Variants in PLGRKT observed in about 807,000 individuals in gnomAD.
The protein encoded by PLGRKT is plasminogen receptor with a C-terminal lysine.
PLGRKT carries 22 observed loss-of-function variants against 18.5 expected under a neutral mutation model. The observed-to-expected ratio is 1.19, with a 90% CI of 0.85 to 1.70. PLGRKT has a LOEUF of 1.70. Ranked by LOEUF, PLGRKT falls within the 40% of genes most tolerant of loss-of-function variation. PLGRKT has a pLI of 0.00. For synonymous variants in PLGRKT, 72 were observed against 52.8 expected (o/e 1.36, Z -1.58); for missense variants, 235 against 174.4 (o/e 1.35, Z -1.96).
At chr9:5,413,979 G>C (rs940684195) in intron 3 of PLGRKT, among the ~76,000 whole-genome samples, 5 of 152,232 alleles carry the variant, frequency 3.3e-5, no homozygotes, top group East Asian at 3.9e-4. Flanking sequence ...CATGAGAGAA[G>C]GGGGCATAAG....
At chr9:5,425,135 A>G (rs1044731803) in intron 3 of PLGRKT, among the ~76,000 whole-genome samples, 2 of 152,220 alleles carry the variant, frequency 1.3e-5, no homozygotes, top group African/African-American at 4.8e-5. Flanking sequence ...ATAGCACTGC[A>G]GCACAGCATG....
chr9:5,412,638 A>G (rs1273017737), intron 3 of PLGRKT, among the ~76,000 whole-genome samples: 1 of 152,228 alleles, frequency 6.6e-6, no homozygotes, highest in Admixed American at 6.5e-5. Flanking sequence ...CCCAGTCTGT[A>G]TATTGGATTA....
intron 3 of PLGRKT, among the ~76,000 whole-genome samples, chr9:5,384,033 G>A (rs1300955290): frequency 9.8e-5 from 15 of 152,340 alleles, no homozygotes; most frequent in South Asian, 6.2e-4. Flanking sequence ...CTGTCACAGC[G>A]CCTGACCATT....
chr9:5,437,946 A>G (rs1046867044), upstream of PLGRKT: 1 of 152,220 alleles, frequency 6.6e-6, no homozygotes, highest in African/African-American at 2.4e-5. Context: ...CGCAGCCCTC[A>G]GCTTCTTTAA....
At chr9:5,415,082 C>T (rs140743951) in intron 3 of PLGRKT, among the ~76,000 whole-genome samples, 1 of 152,264 alleles carries the variant, frequency 6.6e-6, no homozygotes, top group East Asian at 1.9e-4. Context: ...GACCAGGACT[C>T]CATGAAGAAG....
chr9:5,395,972 C>A (rs1273083486), intron 3 of PLGRKT, among the ~76,000 whole-genome samples: 2 of 149,866 alleles, frequency 1.3e-5, no homozygotes, highest in Non-Finnish European at 2.9e-5. Context: ...TGGTTCACTG[C>A]AACCTCCACC....
chr9:5,396,160 C>T (rs1186804718), intron 3 of PLGRKT, among the ~76,000 whole-genome samples: 1 of 151,754 alleles, frequency 6.6e-6, no homozygotes, highest in Non-Finnish European at 1.5e-5. Context: ...TCACAAAGTG[C>T]TGGGATTACA....
chr9:5,414,250 T>G (rs1818417503), intron 3 of PLGRKT, among the ~76,000 whole-genome samples: 1 of 152,180 alleles, frequency 6.6e-6, no homozygotes, highest in Non-Finnish European at 1.5e-5. Flanking sequence ...CACTGCAACT[T>G]CCGCTTCCCA....
chr9:5,392,911 G>C lies in PLGRKT; in HGVS notation c.82-31023C>G, dbSNP rs193229153. ...GGCTGGAGTGCAGTGGTGCAGTCTCGGCTCACTGCAACCTCCACCTCCCAG... is the reference window on the plus strand; with the variant it reads ...GGCTGGAGTGCAGTGGTGCAGTCTCCGCTCACTGCAACCTCCACCTCCCAG... On this transcript the variant is annotated intron_variant, in intron 3 of 5. Transcript: ENST00000223864. 1.7e-3 allele frequency among the ~76,000 whole-genome samples: 261 copies of C among 151,398 alleles called. 6 individuals carry two copies. Among genetic ancestry groups the C allele is most frequent in the Middle Eastern group, 0.01 (3 of 294 alleles).
At position 5,382,011 on chromosome 9, in the gene PLGRKT, TA is replaced by T. The variant is rs1261898202; in HGVS notation, c.82-20124del. 441 of 985,368 alleles carry T rather than the reference TA, an allele frequency of 4.5e-4. 2 individuals are homozygous for T. The highest frequency in any genetic ancestry group is 1.4e-3 in the Admixed American group (22 of 16,286). 61.0% of individuals were successfully genotyped at this position (985,368 alleles called of 1,614,324 possible). A position where few individuals can be genotyped will look rare whatever the true frequency, so the allele number is the denominator to read the frequency against. On this transcript the variant is annotated intron_variant, in intron 3 of 5. Transcript: ENST00000223864. ...GGCTTGTTTACCCAGTCACAAGACT[TA>T]GCAGTTGAAAATGTGCACCCTGAAA...
chr9:5,408,171 T>C (rs1003911627), intron 3 of PLGRKT, among the ~76,000 whole-genome samples: 8 of 152,218 alleles, frequency 5.3e-5, no homozygotes, highest in South Asian at 2.1e-4. Context: ...AACTGTGAAA[T>C]GGGCAGAGGT....
At chr9:5,431,352 G>A (rs963208619) in intron 3 of PLGRKT, among the ~76,000 whole-genome samples, 4 of 151,980 alleles carry the variant, frequency 2.6e-5, no homozygotes, top group African/African-American at 9.7e-5. Flanking sequence ...TGGCCAACAT[G>A]GTGAAACCTT....
At chr9:5,367,138 G>T (rs1318210110) in intron 3 of PLGRKT, among the ~76,000 whole-genome samples, 3 of 151,190 alleles carry the variant, frequency 2.0e-5, no homozygotes, top group South Asian at 2.1e-4. Context: ...TGAATTGGAA[G>T]AATCAATATC....
intron 3 of PLGRKT, among the ~76,000 whole-genome samples, chr9:5,402,005 T>A (rs967031430): frequency 6.6e-6 from 1 of 151,884 alleles, no homozygotes; most frequent in African/African-American, 2.4e-5. Context: ...ACCCAAAAAT[T>A]TAATTTGTAA....
chr9:5,358,517 C>T (rs979455623), intron 5 of PLGRKT, among the ~76,000 whole-genome samples, 157 bp from the exon 6 acceptor site: 5 of 152,186 alleles, frequency 3.3e-5, no homozygotes, highest in Non-Finnish European at 5.9e-5. Flanking sequence ...TAATATACTT[C>T]CCAGAGGAAA....
intron 3 of PLGRKT, among the ~76,000 whole-genome samples, chr9:5,416,408 G>C (rs996204601): frequency 2.6e-5 from 4 of 152,140 alleles, no homozygotes; most frequent in Non-Finnish European, 2.9e-5. Context: ...CTATGTGTCT[G>C]TCTGTGTACA....
chr9:5,414,933 G>A (rs1432972405), intron 3 of PLGRKT, among the ~76,000 whole-genome samples: 1 of 152,200 alleles, frequency 6.6e-6, no homozygotes, highest in Non-Finnish European at 1.5e-5. Flanking sequence ...CAGATAGGTA[G>A]ATATAGAAAT....
In PLGRKT at chr9:5,361,778, T is replaced by G; in HGVS notation, c.192A>C (p.Ala64=). 1 of 1,612,604 alleles carries G rather than the reference T, an allele frequency of 6.2e-7. No homozygotes were observed. Among genetic ancestry groups the G allele is most frequent in the Non-Finnish European group, 8.5e-7 (1 of 1,179,582 alleles). ...CATACCCAGCTGTTAAAGAGATGGC[T>G]GCAAGGCCAAAAAAAGTTCCAAAAT... is the stretch of plus-strand genomic sequence containing the variant. ...LKYFGTFFGL[A]AISLTAGAIK... Residue 64 remains alanine, a synonymous_variant, in exon 4 of 6, where the codon GCA becomes GCC. Transcript: ENST00000223864.
At chr9:5,375,170 AG>A (rs1563770212) in intron 3 of PLGRKT, among the ~76,000 whole-genome samples, 1 of 152,242 alleles carries the variant, frequency 6.6e-6, no homozygotes, top group Admixed American at 6.5e-5. Context: ...TTCCTTAATA[AG>A]AAAAGATGTA....
Sources: gnomAD v4.1 joint callset for allele counts (sites outside exome capture counted in the v4.1 genomes callset) on GRCh38, gnomAD v4.1.1 for gene constraint, MANE v1.5 for transcripts, NCBI Gene and HGNC (gene_info 2026-07-23, HGNC 2026-07-21) for gene names.